Variants in CHN1 observed in about 807,000 individuals in gnomAD.
The protein encoded by CHN1 is N-chimaerin.
In CHN1, 37 loss-of-function variants were observed where a neutral mutation model predicts 59.5. The observed-to-expected ratio is 0.62, with a 90% confidence interval of 0.48 to 0.82. CHN1 has a LOEUF of 0.82. Ranked by LOEUF, CHN1 falls within the 40% of genes least tolerant of loss-of-function variation. CHN1 has a pLI of 0.00. For synonymous variants in CHN1, 206 were observed against 200.4 expected, an observed-to-expected ratio of 1.03 and a Z score of -0.24; for missense variants, 469 against 571.0, an observed-to-expected ratio of 0.82 and a Z score of 1.82.
chr2:174,956,201 T>C (rs2105418864), intron 1 of CHN1, among the ~76,000 whole-genome samples: 1 of 152,152 alleles, frequency 6.6e-6, no homozygotes, highest in South Asian at 2.1e-4. Flanking sequence ...TCCAAAATGT[T>C]GAAGAAAGAA....
intron 7 of CHN1, among the ~76,000 whole-genome samples, chr2:174,841,633 A>G (rs918575519): frequency 6.6e-6 from 1 of 152,132 alleles, no homozygotes; most frequent in South Asian, 2.1e-4. Context: ...TACAACAGAA[A>G]TACATATAAT....
intron 1 of CHN1, among the ~76,000 whole-genome samples, chr2:174,988,709 A>T (rs1691436747): frequency 6.6e-6 from 1 of 152,230 alleles, no homozygotes; most frequent in Non-Finnish European, 1.5e-5. Context: ...AACAGACAGC[A>T]TGTAAAGTGT....
intron 5 of CHN1, among the ~76,000 whole-genome samples, chr2:174,892,080 T>G (rs1221430261): frequency 6.6e-6 from 1 of 152,162 alleles, no homozygotes; most frequent in Admixed American, 6.5e-5. Context: ...GACCTGTAAC[T>G]AGCAAGGACA....
intron 5 of CHN1, among the ~76,000 whole-genome samples, chr2:174,905,322 T>C (rs1688513505): frequency 6.6e-6 from 1 of 152,208 alleles, no homozygotes; most frequent in Admixed American, 6.5e-5. Flanking sequence ...CCTCTTTATG[T>C]ACAAGTTTCT....
intron 7 of CHN1, among the ~76,000 whole-genome samples, chr2:174,841,202 C>G (rs1686288664): frequency 6.6e-6 from 1 of 152,054 alleles, no homozygotes. Context: ...TTTCTGATAA[C>G]CTTAAGGATC....
At chr2:174,962,181 A>G (rs1196923212) in intron 1 of CHN1, among the ~76,000 whole-genome samples, 3 of 152,050 alleles carry the variant, frequency 2.0e-5, no homozygotes, top group Non-Finnish European at 4.4e-5. Flanking sequence ...GCTACTCAGG[A>G]GGCTGAGGCA....
At chr2:174,861,229 GATGAGATAAT>G (rs1687058890) in intron 6 of CHN1, among the ~76,000 whole-genome samples, 1 of 152,076 alleles carries the variant, frequency 6.6e-6, no homozygotes, top group Non-Finnish European at 1.5e-5. Flanking sequence ...GGACTGGAAG[GATGAGATAAT>G]ATAGGTAGAA....
chr2:174,875,454 G>A (rs1374146353), intron 6 of CHN1, among the ~76,000 whole-genome samples: 1 of 152,102 alleles, frequency 6.6e-6, no homozygotes, highest in Non-Finnish European at 1.5e-5. Flanking sequence ...CTCCTTAAAG[G>A]ATCACAGACT....
intron 5 of CHN1, among the ~76,000 whole-genome samples, chr2:174,908,672 T>C (rs534546386): frequency 6.6e-6 from 1 of 152,344 alleles, no homozygotes; most frequent in South Asian, 2.1e-4. Context: ...CTAGCTTCAA[T>C]GTCTTCTTTC....
intron 3 of CHN1, among the ~76,000 whole-genome samples, chr2:174,935,816 C>G (rs1167946539): frequency 6.6e-6 from 1 of 151,932 alleles, no homozygotes. Context: ...ACATGCAGTC[C>G]CAGCTACTCA....
At chr2:174,855,597 T>C (rs888042175) in intron 6 of CHN1, among the ~76,000 whole-genome samples, 13 of 152,026 alleles carry the variant, frequency 8.6e-5, no homozygotes, top group Non-Finnish European at 1.8e-4. Context: ...GAGCCAAGAG[T>C]GGAATATATT....
chr2:174,990,262 T>TGA lies in CHN1; in HGVS notation c.19+14630_19+14631dup, dbSNP rs147367573. On this transcript the variant is annotated intron_variant, in intron 1 of 12. Coordinates refer to ENST00000409900, the MANE Select transcript of CHN1 (RefSeq NM_001822.7). Reference sequence around the variant, plus strand: ...GTGTGTGTGTGTGTGTGTGTGTGTGTGAGAGAGAGAGAGAGAGAGAGAGAG... The same window carrying TGA: ...GTGTGTGTGTGTGTGTGTGTGTGTGTGAGAGAGAGAGAGAGAGAGAGAGAGAG... Among the ~76,000 whole-genome samples the TGA allele has an allele frequency of 9.9e-3, 888 of 89,398 alleles. 3 individuals carry two copies. Among genetic ancestry groups the TGA allele is most frequent in the Non-Finnish European group, 0.011 (535 of 46,920 alleles). The allele number at this position is 89,398 out of a possible 152,430, so 58.6% of individuals were successfully genotyped here.
intron 1 of CHN1, among the ~76,000 whole-genome samples, chr2:174,966,895 T>C (rs967796201): frequency 6.6e-6 from 1 of 152,194 alleles, no homozygotes; most frequent in Admixed American, 6.5e-5. Flanking sequence ...TATCTCAGCA[T>C]TCCCAACTGG....
chr2:174,923,203 T>C lies in CHN1; in HGVS notation c.115-4638A>G, dbSNP rs540739142. On this transcript the variant is annotated intron_variant, in intron 3 of 12. Transcript: ENST00000409900. ...TCACCCAAGCTAGAGTGCAGTGGCTTGATCTCGGCTCACTGCAAGCTCCGC... is the reference window on the plus strand; with the variant it reads ...TCACCCAAGCTAGAGTGCAGTGGCTCGATCTCGGCTCACTGCAAGCTCCGC... 1.3e-4 allele frequency among the ~76,000 whole-genome samples: 20 copies of C among 152,258 alleles called. 1 individual carries two copies. The South Asian group carries it at 3.7e-3, about 28-fold the overall frequency.
At chr2:174,866,635 A>G (rs1267964750) in intron 6 of CHN1, among the ~76,000 whole-genome samples, 2 of 152,224 alleles carry the variant, frequency 1.3e-5, no homozygotes, top group Non-Finnish European at 2.9e-5. Context: ...GGTTTAAATA[A>G]CAATTTCAGC....
chr2:174,799,578 G>T lies in CHN1; in HGVS notation c.*538C>A. 1.9e-6 allele frequency: 1 copy of T among 525,926 alleles called. No individual in the cohort carries two copies. The highest frequency in any genetic ancestry group is 3.7e-6 in the Non-Finnish European group (1 of 271,236). The allele number at this position is 525,926 out of a possible 1,614,324, so 32.6% of individuals were successfully genotyped here. ...ACATTTTGCTTTTGCTGGAAAGAAA[G>T]TACTATGTTAGAGAAGAACTAAGAG... On this transcript the variant is annotated 3_prime_UTR_variant, in exon 13 of 13. Coordinates refer to ENST00000409900, the MANE Select transcript of CHN1 (RefSeq NM_001822.7).
chr2:174,909,101 A>G (rs1688620131), intron 5 of CHN1, among the ~76,000 whole-genome samples: 1 of 152,206 alleles, frequency 6.6e-6, no homozygotes, highest in South Asian at 2.1e-4. Flanking sequence ...TACAGTATTT[A>G]CTAAAGCTAA....
At chr2:174,997,505 T>C (rs149589513) in intron 1 of CHN1, among the ~76,000 whole-genome samples, 209 of 152,282 alleles carry the variant, frequency 1.4e-3, no homozygotes, top group Non-Finnish European at 2.7e-3. Context: ...TAATTCCTCA[T>C]AGGTAACATG....
At chr2:174,999,660 G>C (rs1691822185) in intron 1 of CHN1, among the ~76,000 whole-genome samples, 1 of 152,178 alleles carries the variant, frequency 6.6e-6, no homozygotes, top group South Asian at 2.1e-4. Flanking sequence ...TGAGGAGATG[G>C]AGAGTTGGGG....
Sources: allele counts gnomAD v4.1 joint callset (sites outside exome capture counted in the v4.1 genomes callset), GRCh38; gene constraint gnomAD v4.1.1; transcripts MANE v1.5; gene names NCBI Gene and HGNC (gene_info 2026-07-23, HGNC 2026-07-21).